Variants in TSPAN17 observed in about 807,000 individuals in gnomAD.
TSPAN17 encodes tetraspanin 17.
In TSPAN17, 33 loss-of-function variants were observed where a neutral mutation model predicts 40.5. The observed-to-expected ratio is 0.81, with a 90% confidence interval of 0.62 to 1.09. The LOEUF (loss-of-function observed/expected upper bound fraction) is 1.09. Ranked by LOEUF, TSPAN17 falls within the 50% of genes least tolerant of loss-of-function variation. TSPAN17 has a pLI of 0.00. For missense variants in TSPAN17, 365 were observed against 416.8 expected, an observed-to-expected ratio of 0.88 and a Z score of 1.08; for synonymous variants, 166 against 169.4, an observed-to-expected ratio of 0.98 and a Z score of 0.15.
chr5:176,649,722 C>T lies in TSPAN17; in HGVS notation c.88-1894C>T, dbSNP rs572046595. Among the ~76,000 whole-genome samples, 13 of 152,244 alleles carry T rather than the reference C, an allele frequency of 8.5e-5. No individual in the cohort carries two copies. In the East Asian group the frequency reaches 9.7e-4, roughly 11 times the overall value. On this transcript the variant is annotated intron_variant, in intron 1 of 8. Coordinates refer to ENST00000508164, the MANE Select transcript of TSPAN17 (RefSeq NM_130465.5). ...GATTACAGGCGTGAGCCACCACGCCCGGCCATCCTGCTCGTGGTTTCTTAC... is the reference window on the plus strand; with the variant it reads ...GATTACAGGCGTGAGCCACCACGCCTGGCCATCCTGCTCGTGGTTTCTTAC...
intron 1 of TSPAN17, among the ~76,000 whole-genome samples, chr5:176,647,906 G>A (rs1173839726): frequency 1.3e-5 from 2 of 152,128 alleles, no homozygotes; most frequent in Non-Finnish European, 2.9e-5. Context: ...CCTAGCGACA[G>A]CGTGGGGTCG....
chr5:176,657,548 C>G lies in TSPAN17; in HGVS notation c.840C>G (p.His280Gln). 1 of 1,607,742 alleles carries G rather than the reference C, an allele frequency of 6.2e-7. No individual in the cohort carries two copies. Among genetic ancestry groups the G allele is most frequent in the South Asian group, 1.1e-5 (1 of 90,304 alleles). Residue 280 changes from histidine to glutamine, a missense_variant, in exon 9 of 9, where the codon CAC becomes CAG. Physicochemically the swap from His to Gln is conservative, Grantham distance 24. Coordinates refer to ENST00000508164, the MANE Select transcript of TSPAN17 (RefSeq NM_130465.5). ...WSKWNDDFEN[H>Q]WLTPTISEVL... The stretch of plus-strand genomic sequence containing the variant: ...AATGGAATGATGACTTTGAAAACCA[C>G]TGGCTTACGCCCACCATTTCCGAGG...
rs1554152628 is a variant in TSPAN17 at position 176,651,166 on chromosome 5, G to A, written c.88-450G>A. On this transcript the variant is annotated intron_variant, in intron 1 of 8. Coordinates refer to ENST00000508164, the MANE Select transcript of TSPAN17 (RefSeq NM_130465.5). The surrounding 1 kb of genome is among the most constrained non-coding windows in gnomAD (Gnocchi z 4.5). ...GCTGGGCTGGGGAGGAGTGTTGAGG[G>A]CGGGGCCGCAGTCACACGGCTTTAG... 1.3e-5 allele frequency among the ~76,000 whole-genome samples: 2 copies of A among 152,218 alleles called. No homozygotes were observed. The highest frequency in any genetic ancestry group is 2.9e-5 in the Non-Finnish European group (2 of 67,988).
chr5:176,650,719 C>T lies in TSPAN17; in HGVS notation c.88-897C>T, dbSNP rs1760934323. On this transcript the variant is annotated intron_variant, in intron 1 of 8. Coordinates refer to ENST00000508164, the MANE Select transcript of TSPAN17 (RefSeq NM_130465.5). This position sits in a 1 kb window ranked among gnomAD's most constrained non-coding sequence, Gnocchi z 4.0. Reference sequence around the variant, plus strand: ...TAAAGGCCTTGGCCGTGGCTATGTGCTGAGGGGAAGGAGCCTGCAGATAAA... The same window carrying T: ...TAAAGGCCTTGGCCGTGGCTATGTGTTGAGGGGAAGGAGCCTGCAGATAAA... Among the ~76,000 whole-genome samples, 1 of 152,168 alleles carries T rather than the reference C, an allele frequency of 6.6e-6. No individual in the cohort carries two copies. The highest frequency in any genetic ancestry group is 2.1e-4 in the South Asian group (1 of 4,824).
intron 3 of TSPAN17, 71 bp from the exon 4 acceptor site, chr5:176,652,672 C>T (rs1581195116): frequency 6.7e-7 from 1 of 1,502,798 alleles, no homozygotes; most frequent in Non-Finnish European, 9.1e-7. Context: ...TTCCCTGTGG[C>T]ACACCCAAGC....
At position 176,647,546 on chromosome 5, in the gene TSPAN17, C is replaced by T; in HGVS notation, c.-70C>T. The T allele has an allele frequency of 2.8e-6, 4 of 1,415,742 alleles. No homozygotes were observed. The South Asian group carries it at 5.3e-5, about 19-fold the overall frequency. 87.7% of individuals were successfully genotyped at this position (1,415,742 alleles called of 1,614,324 possible). On this transcript the variant is annotated 5_prime_UTR_variant, in exon 1 of 9. Coordinates refer to ENST00000508164, the MANE Select transcript of TSPAN17 (RefSeq NM_130465.5). ...GGCTAGGCCCCGGGCGGCTCTAGCCCAGGGCGGCCCGCGGGGCGCTGGGCC... is the reference window on the plus strand; with the variant it reads ...GGCTAGGCCCCGGGCGGCTCTAGCCTAGGGCGGCCCGCGGGGCGCTGGGCC...
chr5:176,656,093 A>C lies in TSPAN17; in HGVS notation c.598A>C (p.Thr200Pro). ...VRDPAEDVLN[T>P]QCGYDVRLKL... ...CTCCCCTCAGGAGGATGTCCTCAAC[A>C]CCCAGTGTGGCTACGACGTCCGGCT... is the stretch of plus-strand genomic sequence containing the variant. Residue 200 changes from threonine (T) to proline (P), a missense_variant, in exon 6 of 9, where the codon ACC (threonine) becomes CCC (proline). Thr to Pro is a conservative substitution (Grantham distance 38, BLOSUM62 -1). Transcript: ENST00000508164. The C allele has an allele frequency of 6.2e-7, 1 of 1,613,952 alleles. No individual in the cohort carries two copies. Among genetic ancestry groups the C allele is most frequent in the South Asian group, 1.1e-5 (1 of 91,060 alleles).
At chr5:176,653,030 A>G (rs1043232246) in intron 4 of TSPAN17, 117 bp downstream of exon 4, 2 of 1,133,272 alleles carry the variant, frequency 1.8e-6, no homozygotes, top group Non-Finnish European at 2.6e-6. Flanking sequence ...AGCGGGCCCC[A>G]GGAGAGAGAC....
chr5:176,653,184 C>A (rs558664304), intron 4 of TSPAN17: 2 of 340,602 alleles, frequency 5.9e-6, no homozygotes, highest in African/African-American at 2.0e-5. Context: ...CTACGACACA[C>A]GGGAGAATGG....
chr5:176,655,557 T>C (rs1761120595), intron 5 of TSPAN17, among the ~76,000 whole-genome samples: 1 of 152,058 alleles, frequency 6.6e-6, no homozygotes, highest in African/African-American at 2.4e-5. Flanking sequence ...CCCATTCTTA[T>C]AACACACCAG....
Position 176,654,750 on chromosome 5 carries a change from TG to T in TSPAN17, c.457-140del, listed in dbSNP as rs1305406276. The T allele has an allele frequency of 9.8e-6, 10 of 1,021,504 alleles. No homozygotes were observed. The highest frequency in any genetic ancestry group is 1.4e-5 in the Non-Finnish European group (10 of 707,766). 63.3% of individuals were successfully genotyped at this position (1,021,504 alleles called of 1,614,324 possible). A position where few individuals can be genotyped will look rare whatever the true frequency, so the allele number is the denominator to read the frequency against. On this transcript the variant is annotated intron_variant, in intron 4 of 8. Transcript: ENST00000508164. The surrounding 1 kb of genome is among the most constrained non-coding windows in gnomAD (Gnocchi z 4.3). ...AGCCTGGAGGTTGGGCCCAGGCCTG[TG>T]GGGGTGGGGAGGTGGCCACCCACTT...
At chr5:176,647,746 G>C in intron 1 of TSPAN17, 44 bp downstream of exon 1, 1 of 1,518,376 alleles carries the variant, frequency 6.6e-7, no homozygotes, top group Non-Finnish European at 8.9e-7. Context: ...GGGGGTGGTG[G>C]GAGAGGGAGA....
intron 8 of TSPAN17, 141 bp downstream of exon 8, chr5:176,657,097 G>C: frequency 3.3e-6 from 3 of 895,876 alleles, no homozygotes; most frequent in African/African-American, 1.7e-5. Flanking sequence ...GGGTTCGCCT[G>C]AACCGCTGTG....
chr5:176,651,913 C>T lies in TSPAN17; in HGVS notation c.285+13C>T, dbSNP rs747889721. On this transcript the variant is annotated intron_variant, in intron 3 of 8. Coordinates refer to ENST00000508164, the MANE Select transcript of TSPAN17 (RefSeq NM_130465.5). The surrounding 1 kb of genome is among the most constrained non-coding windows in gnomAD (Gnocchi z 4.5). The stretch of plus-strand genomic sequence containing the variant: ...CCTGCTCAAGTTTGTGAGTGCTGCC[C>T]TCAAGATCCCCTGGGAACCCCCATC... 6 of 1,613,412 alleles carry T rather than the reference C, an allele frequency of 3.7e-6. No individual in the cohort carries two copies. The highest frequency in any genetic ancestry group is 1.7e-5 in the Admixed American group (1 of 60,008).
chr5:176,652,472 C>T (rs1761006315), intron 3 of TSPAN17, among the ~76,000 whole-genome samples: 1 of 152,186 alleles, frequency 6.6e-6, no homozygotes, highest in African/African-American at 2.4e-5. Flanking sequence ...TGTCTCCATC[C>T]GAACCTTGGA....
intron 5 of TSPAN17, 133 bp downstream of exon 5, chr5:176,655,153 T>A: frequency 8.3e-7 from 1 of 1,199,744 alleles, no homozygotes; most frequent in Non-Finnish European, 1.1e-6. Flanking sequence ...TTTACATGGG[T>A]GGCACTGAGG....
rs752955325 is a variant in TSPAN17 at position 176,656,743 on chromosome 5, G to A, written c.674G>A (p.Gly225Asp). ...TTCATCCACACCAAAGGCTGCGTGG[G>A]CCAGTTTGAGAAGTGGCTGCAGGAC... Reference protein sequence around the residue: ...QGFIHTKGCVGQFEKWLQDNL... With the variant: ...QGFIHTKGCVDQFEKWLQDNL... The change falls in exon 7 of 9, where the codon GGC becomes GAC. Residue 225 changes from glycine to aspartate, a missense_variant. Gly to Asp is a moderately conservative substitution (Grantham distance 94, BLOSUM62 -1). Coordinates refer to ENST00000508164, the MANE Select transcript of TSPAN17 (RefSeq NM_130465.5). 9 of 1,614,062 alleles carry A rather than the reference G, an allele frequency of 5.6e-6. No individual in the cohort carries two copies. The highest frequency in any genetic ancestry group is 1.3e-5 in the African/African-American group (1 of 74,930).
In TSPAN17 at chr5:176,650,782, G is replaced by A. The variant is rs529199084; in HGVS notation, c.88-834G>A. Among the ~76,000 whole-genome samples the A allele has an allele frequency of 2.0e-5, 3 of 152,282 alleles. No homozygotes were observed. The South Asian group carries it at 6.2e-4, about 32-fold the overall frequency. ...GGAGGTCGCAGGAGGTGGGGTCATG[G>A]CCCTGGGCTTGGGTACGACAGCCTT... On this transcript the variant is annotated intron_variant, in intron 1 of 8. Transcript: ENST00000508164. The surrounding 1 kb of genome is among the most constrained non-coding windows in gnomAD (Gnocchi z 4.0).
chr5:176,655,444 G>C (rs1270433761), intron 5 of TSPAN17, among the ~76,000 whole-genome samples: 1 of 152,188 alleles, frequency 6.6e-6, no homozygotes, highest in Admixed American at 6.5e-5. Flanking sequence ...GTAGCAGGGA[G>C]TGGGGACCTC....
Sources: allele counts gnomAD v4.1 joint callset (sites outside exome capture counted in the v4.1 genomes callset), GRCh38; gene constraint gnomAD v4.1.1; non-coding constraint Gnocchi (gnomAD v3.1); transcripts MANE v1.5; gene names NCBI Gene and HGNC (gene_info 2026-07-23, HGNC 2026-07-21).